The following GRK5 variants were observed in gnomAD, a reference collection of about 807,000 sequenced individuals.
The protein encoded by GRK5 is g protein-coupled receptor kinase GRK5.
GRK5 carries 40 observed loss-of-function variants against 78.4 expected under a neutral mutation model. The ratio of observed to expected loss-of-function variants is 0.51; its 90% CI spans 0.40 to 0.66. GRK5 has a LOEUF of 0.66. Among genes scored for constraint, GRK5 ranks in the 30% least tolerant of loss-of-function variants. The pLI is 0.00. For missense variants in GRK5, 598 were observed against 759.9 expected, an observed-to-expected ratio of 0.79 and a Z score of 2.50; for synonymous variants, 289 against 296.8, an observed-to-expected ratio of 0.97 and a Z score of 0.27.
intron 4 of GRK5, among the ~76,000 whole-genome samples, chr10:119,415,783 C>A (rs1439640770): frequency 6.6e-6 from 1 of 152,188 alleles, no homozygotes; most frequent in Non-Finnish European, 1.5e-5. Flanking sequence ...CCACTCAGAT[C>A]CATGCCTCCC....
intron 1 of GRK5, among the ~76,000 whole-genome samples, chr10:119,263,061 G>T (rs1291237845): frequency 1.4e-4 from 22 of 152,160 alleles, no homozygotes. Context: ...AGGCTGGAGT[G>T]CAGTGGCGCG....
At chr10:119,446,797 C>A (rs1334065103) in intron 12 of GRK5, among the ~76,000 whole-genome samples, 2 of 151,242 alleles carry the variant, frequency 1.3e-5, no homozygotes, top group African/African-American at 4.9e-5. Flanking sequence ...TGGGGGGCAG[C>A]CCCCTCCAGA....
Position 119,419,136 on chromosome 10 carries a change from C to T in GRK5, c.340-4030C>T, listed in dbSNP as rs115008044. On this transcript the variant is annotated intron_variant, in intron 4 of 15. Transcript: ENST00000392870. The stretch of plus-strand genomic sequence containing the variant: ...CCCCCCTCTCCCTTCTCCAGCCCAC[C>T]GCCCACCAGCCAGGCATCTGAAACT... Among the ~76,000 whole-genome samples the T allele has an allele frequency of 8.0e-3, 1,212 of 152,314 alleles. 16 individuals are homozygous for T. Among genetic ancestry groups the T allele is most frequent in the African/African-American group, 0.026 (1,085 of 41,568 alleles).
chr10:119,267,594 T>C lies in GRK5; in HGVS notation c.53-58922T>C, dbSNP rs1036136027. The stretch of plus-strand genomic sequence containing the variant: ...CAGCGGACGGGCCCTGTTTTAGGGA[T>C]TGAGGACATGGCAGGTAGATAGGCA... On this transcript the variant is annotated intron_variant, in intron 1 of 15. Transcript: ENST00000392870. The surrounding 1 kb of genome is among the most constrained non-coding windows in gnomAD (Gnocchi z 4.1). Among the ~76,000 whole-genome samples, 44 of 152,110 alleles carry C rather than the reference T, an allele frequency of 2.9e-4. No homozygotes were observed. Among genetic ancestry groups the C allele is most frequent in the African/African-American group, 9.9e-4 (41 of 41,424 alleles).
intron 1 of GRK5, among the ~76,000 whole-genome samples, chr10:119,311,890 G>A (rs1041911444): frequency 1.3e-5 from 2 of 149,088 alleles, no homozygotes; most frequent in Non-Finnish European, 3.0e-5. Context: ...CACTGTGAGT[G>A]TACTGAATGC....
intron 2 of GRK5, among the ~76,000 whole-genome samples, chr10:119,376,857 G>A (rs374514764): frequency 1.5e-4 from 23 of 152,260 alleles, no homozygotes; most frequent in African/African-American, 5.1e-4. Context: ...GTAAGCCACC[G>A]TGCCTGGCCA....
At chr10:119,255,672 G>A (rs903975073) in intron 1 of GRK5, among the ~76,000 whole-genome samples, 1 of 152,316 alleles carries the variant, frequency 6.6e-6, no homozygotes, top group East Asian at 1.9e-4. Flanking sequence ...GGCCGTTCCC[G>A]CCATGCCTGC....
chr10:119,347,670 C>T (rs1200901609), intron 2 of GRK5, among the ~76,000 whole-genome samples: 2 of 152,266 alleles, frequency 1.3e-5, no homozygotes, highest in East Asian at 1.9e-4. Context: ...AATTCTACCA[C>T]AGTCCCCACT....
intron 2 of GRK5, among the ~76,000 whole-genome samples, chr10:119,368,497 T>C (rs1351978512): frequency 6.6e-6 from 1 of 152,132 alleles, no homozygotes; most frequent in Non-Finnish European, 1.5e-5. Context: ...CCCACCAGGC[T>C]CACAGCCCCA....
rs1848962947 is a variant in GRK5, at chr10:119,238,116, C to T, written c.52+30147C>T. 6.6e-6 allele frequency among the ~76,000 whole-genome samples: 1 copy of T among 152,100 alleles called. No homozygotes were observed. The highest frequency in any genetic ancestry group is 2.1e-4 in the South Asian group (1 of 4,826). On this transcript the variant is annotated intron_variant, in intron 1 of 15. Coordinates refer to ENST00000392870, the MANE Select transcript of GRK5 (RefSeq NM_005308.3). This position sits in a 1 kb window ranked among gnomAD's most constrained non-coding sequence, Gnocchi z 4.7. ...GTGTGCGTGTTTTTCTGTTTCATGT[C>T]CTGACTATTTCCTGGGTCCAGAGAG...
At chr10:119,319,265 A>C (rs1403464239) in intron 1 of GRK5, among the ~76,000 whole-genome samples, 1 of 152,190 alleles carries the variant, frequency 6.6e-6, no homozygotes, top group African/African-American at 2.4e-5. Flanking sequence ...TTGGACAAGC[A>C]ATGCCCTCCC....
intron 2 of GRK5, among the ~76,000 whole-genome samples, chr10:119,327,005 C>T (rs1190968698): frequency 3.3e-5 from 5 of 152,078 alleles, no homozygotes; most frequent in South Asian, 2.1e-4. Context: ...ACAGAGCCAC[C>T]GCTCATAACT....
At position 119,452,707 on chromosome 10, in the gene GRK5, G is replaced by C; in HGVS notation, c.1441G>C (p.Glu481Gln). 1 of 1,614,116 alleles carries C rather than the reference G, an allele frequency of 6.2e-7. No individual in the cohort carries two copies. Among genetic ancestry groups the C allele is most frequent in the Non-Finnish European group, 8.5e-7 (1 of 1,180,022 alleles). Residue 481 changes from glutamate to glutamine, a missense_variant, in exon 14 of 16, where the codon GAG (glutamate) becomes CAG (glutamine). Transcript: ENST00000392870. This position sits in a 1 kb window ranked among gnomAD's most constrained non-coding sequence, Gnocchi z 4.4. Reference protein sequence around the residue: ...AVYCKDVLDIEQFSTVKGVNL... With the variant: ...AVYCKDVLDIQQFSTVKGVNL... Reference sequence around the variant, plus strand: ...GTACTGTAAGGACGTGCTGGACATCGAGCAGTTCTCCACTGTGAAGGGCGT... The same window carrying C: ...GTACTGTAAGGACGTGCTGGACATCCAGCAGTTCTCCACTGTGAAGGGCGT...
intron 1 of GRK5, among the ~76,000 whole-genome samples, chr10:119,250,930 G>A (rs768373671): frequency 2.2e-4 from 34 of 152,188 alleles, no homozygotes; most frequent in Admixed American, 4.6e-4. Context: ...GCATCTCCAC[G>A]CTCTCCTATC....
chr10:119,354,171 G>A (rs1851227955), intron 2 of GRK5, among the ~76,000 whole-genome samples: 1 of 151,720 alleles, frequency 6.6e-6, no homozygotes, highest in Non-Finnish European at 1.5e-5. Context: ...TATGTACTTA[G>A]TGAAATGATT....
At chr10:119,446,456 G>A (rs866922920) in intron 12 of GRK5, among the ~76,000 whole-genome samples, 57 of 146,752 alleles carry the variant, frequency 3.9e-4, no homozygotes, top group African/African-American at 1.3e-3. Context: ...AGCCCGGCCC[G>A]GCCCACCCAG....
Position 119,312,007 on chromosome 10 carries a change from C to T in GRK5, c.53-14509C>T, listed in dbSNP as rs187389859. 6.6e-3 allele frequency among the ~76,000 whole-genome samples: 999 copies of T among 150,616 alleles called. 7 individuals carry two copies. Among genetic ancestry groups the T allele is most frequent in the Middle Eastern group, 0.021 (6 of 292 alleles). On this transcript the variant is annotated intron_variant, in intron 1 of 15. Coordinates refer to ENST00000392870, the MANE Select transcript of GRK5 (RefSeq NM_005308.3). Reference sequence around the variant, plus strand: ...CTCAGCTCCACTGCAAGCTCCACCTCCCGGGTTCACGCCATTCTCCTGCCT... The same window carrying T: ...CTCAGCTCCACTGCAAGCTCCACCTTCCGGGTTCACGCCATTCTCCTGCCT...
chr10:119,321,689 C>T (rs905196224), intron 1 of GRK5, among the ~76,000 whole-genome samples: 4 of 152,332 alleles, frequency 2.6e-5, no homozygotes, highest in African/African-American at 7.2e-5. Context: ...AACGTATTCA[C>T]AGGTTCTAGG....
intron 2 of GRK5, among the ~76,000 whole-genome samples, chr10:119,368,556 G>A (rs1851490032): frequency 6.6e-6 from 1 of 152,218 alleles, no homozygotes; most frequent in African/African-American, 2.4e-5. Context: ...TTGTTCATCA[G>A]CCCTATTTTG....
Sources: gnomAD v4.1 joint callset for allele counts (sites outside exome capture counted in the v4.1 genomes callset) on GRCh38, gnomAD v4.1.1 for gene constraint, Gnocchi (gnomAD v3.1) non-coding constraint, MANE v1.5 for transcripts, NCBI Gene and HGNC (gene_info 2026-07-23, HGNC 2026-07-21) for gene names.